ABCA13: variants seen among roughly 807,000 people sequenced by gnomAD.
ABCA13 encodes ATP binding cassette subfamily A member 13.
In ABCA13, 476 loss-of-function variants were observed where a neutral mutation model predicts 478.7. The observed-to-expected ratio is 0.99, with a 90% CI of 0.92 to 1.07. ABCA13 has a LOEUF of 1.07. Among genes scored for constraint, ABCA13 ranks in the 50% least tolerant of loss-of-function variants. The probability of loss-of-function intolerance (pLI) is 0.00; values close to 1 mark genes in which losing one functional copy is unlikely to be tolerated. For synonymous variants in ABCA13, 2,252 were observed against 2,158.9 expected (o/e 1.04, Z -1.20); for missense variants, 6,060 against 5,910.6 (o/e 1.03, Z -0.83).
intron 29 of ABCA13, among the ~76,000 whole-genome samples, chr7:48,343,712 C>A (rs1161566685): frequency 6.6e-6 from 1 of 151,856 alleles, no homozygotes; most frequent in Admixed American, 6.6e-5. Context: ...ATACACTGTA[C>A]CCAATGTGTA....
At chr7:48,586,728 A>G (rs1436313802) in intron 56 of ABCA13, among the ~76,000 whole-genome samples, 2 of 152,176 alleles carry the variant, frequency 1.3e-5, no homozygotes, top group Non-Finnish European at 2.9e-5. Flanking sequence ...TGAATCTAAA[A>G]TAATAAAGAA....
chr7:48,239,197 G>A (rs200742821), intron 8 of ABCA13, 44 bp from the exon 9 acceptor site: 7 of 1,602,580 alleles, frequency 4.4e-6, no homozygotes, highest in Admixed American at 1.7e-5. Flanking sequence ...GAAGGTTCTA[G>A]GAAAGGAGCT....
chr7:48,625,687 T>A (rs372944051), intron 59 of ABCA13, among the ~76,000 whole-genome samples: 5 of 152,204 alleles, frequency 3.3e-5, no homozygotes, highest in African/African-American at 9.6e-5. Flanking sequence ...ATGCTGGACA[T>A]TTTGGTTAGC....
Position 48,352,506 on chromosome 7 carries a change from G to A in ABCA13, c.10688+19G>A. The A allele has an allele frequency of 6.4e-7, 1 of 1,570,098 alleles. No individual in the cohort carries two copies. The highest frequency in any genetic ancestry group is 8.7e-7 in the Non-Finnish European group (1 of 1,155,762). Reference sequence around the variant, plus strand: ...GCGACCTGTGAGTAGCCTGGGGCAGGAGCCACCGACAGTGAGAAGGGCCTT... The same window carrying A: ...GCGACCTGTGAGTAGCCTGGGGCAGAAGCCACCGACAGTGAGAAGGGCCTT... On this transcript the variant is annotated intron_variant, in intron 31 of 61. Coordinates refer to ENST00000435803, the MANE Select transcript of ABCA13 (RefSeq NM_152701.5).
At chr7:48,510,350 G>T (rs1274539165) in intron 50 of ABCA13, among the ~76,000 whole-genome samples, 1 of 152,196 alleles carries the variant, frequency 6.6e-6, no homozygotes, top group Non-Finnish European at 1.5e-5. Flanking sequence ...GAGGCTCTAA[G>T]AGAAGAAGGA....
intron 15 of ABCA13, among the ~76,000 whole-genome samples, chr7:48,262,176 ATGT>A (rs1794276110): frequency 6.6e-6 from 1 of 151,976 alleles, no homozygotes; most frequent in Non-Finnish European, 1.5e-5. Context: ...ATTTCCAGTA[ATGT>A]TGTTACATCC....
At chr7:48,253,928 TGTGTGTGTGTCTGTGTGTGTGTTC>T (rs1792975633) in intron 15 of ABCA13, among the ~76,000 whole-genome samples, 1 of 151,842 alleles carries the variant, frequency 6.6e-6, no homozygotes, top group East Asian at 1.9e-4. Flanking sequence ...TGTACTTACG[TGTGTGTGTGTCTGTGTGTGTGTTC>T]GTGTGTGTGT....
At chr7:48,222,976 G>A (rs143956159) in intron 5 of ABCA13, among the ~76,000 whole-genome samples, 9 of 152,266 alleles carry the variant, frequency 5.9e-5, no homozygotes, top group Non-Finnish European at 8.8e-5. Flanking sequence ...TAGAACAGAC[G>A]CACAGTTAGT....
intron 55 of ABCA13, among the ~76,000 whole-genome samples, chr7:48,564,914 T>G (rs1786873637): frequency 6.6e-6 from 1 of 152,142 alleles, no homozygotes; most frequent in African/African-American, 2.4e-5. Flanking sequence ...GTGACTTGCT[T>G]GATCTCTAAC....
chr7:48,474,329 A>C (rs1827845474), intron 45 of ABCA13, among the ~76,000 whole-genome samples: 1 of 152,174 alleles, frequency 6.6e-6, no homozygotes. Flanking sequence ...TTTTAGGGAC[A>C]GGAAATGATT....
chr7:48,204,336 A>G (rs531061919), intron 3 of ABCA13, among the ~76,000 whole-genome samples: 184 of 151,628 alleles, frequency 1.2e-3, no homozygotes, highest in Middle Eastern at 3.4e-3. Context: ...CAACCTCCTG[A>G]GTAGCTGGGA....
chr7:48,340,517 C>T (rs1806986268), intron 29 of ABCA13, among the ~76,000 whole-genome samples: 1 of 152,176 alleles, frequency 6.6e-6, no homozygotes, highest in African/African-American at 2.4e-5. Flanking sequence ...CACCTATAAT[C>T]TTATCACCAC....
chr7:48,607,263 C>T (rs1276439108), intron 58 of ABCA13, among the ~76,000 whole-genome samples: 2 of 152,176 alleles, frequency 1.3e-5, no homozygotes, highest in African/African-American at 4.8e-5. Flanking sequence ...CCTACCAGTA[C>T]GGTCTCTCAC....
intron 47 of ABCA13, among the ~76,000 whole-genome samples, chr7:48,484,903 A>G (rs1023604391): frequency 8.5e-5 from 13 of 152,238 alleles, no homozygotes; most frequent in Non-Finnish European, 1.6e-4. Context: ...GATTGCATTT[A>G]TCTTTCTGTA....
chr7:48,423,042 T>G (rs926418880), intron 41 of ABCA13, among the ~76,000 whole-genome samples: 1 of 152,218 alleles, frequency 6.6e-6, no homozygotes, highest in Non-Finnish European at 1.5e-5. Context: ...ATACATTGTC[T>G]TAAGCCACCA....
intron 48 of ABCA13, among the ~76,000 whole-genome samples, chr7:48,489,605 T>C (rs1405920): frequency 0.14 from 20,896 of 152,196 alleles, 1,841 homozygotes; most frequent in African/African-American, 0.23. Flanking sequence ...AGTTCTCTCC[T>C]AAAATTATTT....
chr7:48,567,549 G>A (rs1308703062), intron 55 of ABCA13, among the ~76,000 whole-genome samples: 1 of 151,814 alleles, frequency 6.6e-6, no homozygotes, highest in African/African-American at 2.4e-5. Context: ...TTTGTGCTAG[G>A]TGATTAATTA....
Position 48,403,836 on chromosome 7 carries a change from C to T in ABCA13, c.12027C>T (p.Cys4009=), listed in dbSNP as rs548163353. 5 of 1,613,766 alleles carry T rather than the reference C, an allele frequency of 3.1e-6. No individual in the cohort carries two copies. The African/African-American group carries it at 6.7e-5, about 22-fold the overall frequency. Residue 4009 remains cysteine, a synonymous_variant, in exon 39 of 62, where the codon TGC becomes TGT. Coordinates refer to ENST00000435803, the MANE Select transcript of ABCA13 (RefSeq NM_152701.5). ...AGCCCACCAGTGGGGTGGACCCTTG[C>T]TCCCGGCATAGCCTGTGGGACATTC... ...LDEPTSGVDP[C]SRHSLWDILL... is the part of the protein sequence containing the mutation.
intron 10 of ABCA13, among the ~76,000 whole-genome samples, chr7:48,241,699 A>G (rs1790858028): frequency 6.6e-6 from 1 of 152,232 alleles, no homozygotes; most frequent in East Asian, 1.9e-4. Context: ...ATTATCTCAA[A>G]AATGTGCATT....
Sources: allele counts gnomAD v4.1 joint callset (sites outside exome capture counted in the v4.1 genomes callset), GRCh38; gene constraint gnomAD v4.1.1; transcripts MANE v1.5; gene names NCBI Gene and HGNC (gene_info 2026-07-23, HGNC 2026-07-21).